The following PCDH7 variants were observed in gnomAD, a reference collection of about 807,000 sequenced individuals.
PCDH7 encodes protocadherin-7.
A neutral mutation model predicts 58.9 loss-of-function variants in PCDH7; 17 were observed. The observed-to-expected ratio is 0.29, with a 90% CI of 0.20 to 0.43. PCDH7 has a LOEUF of 0.43. PCDH7 is among the 20% of genes least tolerant of loss of function. The pLI is 1.00. For missense variants in PCDH7, 1,274 were observed against 1,441.0 expected, an observed-to-expected ratio of 0.88 and a Z score of 1.88; for synonymous variants, 664 against 616.4, an observed-to-expected ratio of 1.08 and a Z score of -1.14.
chr4:30,882,668 C>T (rs1737138094), intron 1 of PCDH7, among the ~76,000 whole-genome samples: 1 of 152,226 alleles, frequency 6.6e-6, no homozygotes, highest in Admixed American at 6.5e-5. Context: ...ATGTGTTAGT[C>T]ATGTGGGGAA....
At chr4:30,892,960 C>G (rs1738816787) in intron 1 of PCDH7, among the ~76,000 whole-genome samples, 1 of 152,178 alleles carries the variant, frequency 6.6e-6, no homozygotes, top group Non-Finnish European at 1.5e-5. Context: ...GTTAAATAGG[C>G]CACATTTCTT....
At chr4:30,920,159 C>G (rs1464378167) in exon 2 of PCDH7, 1 of 1,367,198 alleles carries the variant, frequency 7.3e-7, no homozygotes, top group Non-Finnish European at 9.8e-7. Flanking sequence ...GCAGCCATTT[C>G]GTAGAGTGAC....
At chr4:31,038,058 G>A (rs1755558539) in intron 3 of PCDH7, among the ~76,000 whole-genome samples, 1 of 152,248 alleles carries the variant, frequency 6.6e-6, no homozygotes, top group Non-Finnish European at 1.5e-5. Flanking sequence ...ACTCTGGAGA[G>A]CAATCCTGAC....
At chr4:30,732,925 A>G (rs1411733279) in exon 2 of PCDH7, 1 of 152,184 alleles carries the variant, frequency 6.6e-6, no homozygotes, top group East Asian at 1.9e-4. Flanking sequence ...TGAGAAGTCT[A>G]TTACCATTCC....
chr4:30,792,466 G>A (rs538822100), intron 1 of PCDH7, among the ~76,000 whole-genome samples: 1 of 152,072 alleles, frequency 6.6e-6, no homozygotes, highest in Admixed American at 6.5e-5. Flanking sequence ...TTATGGAAGG[G>A]CTGGCTACTC....
intron 1 of PCDH7, among the ~76,000 whole-genome samples, chr4:30,866,927 C>A (rs1734957194): frequency 6.6e-6 from 1 of 151,976 alleles, no homozygotes; most frequent in Non-Finnish European, 1.5e-5. Context: ...TTTTGGTTTC[C>A]CCCCAGAACA....
intron 3 of PCDH7, among the ~76,000 whole-genome samples, chr4:31,108,429 G>GAAAAA (rs1480649827): frequency 1.8e-5 from 2 of 108,674 alleles, no homozygotes; most frequent in Non-Finnish European, 4.2e-5. Flanking sequence ...AATTATACAG[G>GAAAAA]AAAAAGAGAC....
chr4:30,833,681 A>G (rs1730099624), intron 1 of PCDH7, among the ~76,000 whole-genome samples: 1 of 152,174 alleles, frequency 6.6e-6, no homozygotes, highest in African/African-American at 2.4e-5. Context: ...AGGATTGTAT[A>G]TCAGGGAGAA....
At chr4:30,765,042 T>TTCTTGCA (rs1364452195) in intron 1 of PCDH7, among the ~76,000 whole-genome samples, 1 of 151,302 alleles carries the variant, frequency 6.6e-6, no homozygotes, top group Non-Finnish European at 1.5e-5. Context: ...TTTATCTGTA[T>TTCTTGCA]TCTTGCACAT....
At chr4:30,757,443 C>T (rs1311439688) in intron 1 of PCDH7, among the ~76,000 whole-genome samples, 1 of 152,198 alleles carries the variant, frequency 6.6e-6, no homozygotes, top group Non-Finnish European at 1.5e-5. Context: ...TGACTTTCCT[C>T]GCAGGCACTC....
intron 2 of PCDH7, among the ~76,000 whole-genome samples, chr4:30,938,217 G>T (rs541799102): frequency 6.6e-6 from 1 of 152,002 alleles, no homozygotes; most frequent in East Asian, 1.9e-4. Flanking sequence ...CTTTCTAAAC[G>T]AAGTTTACTG....
intron 1 of PCDH7, among the ~76,000 whole-genome samples, chr4:30,811,710 A>C (rs1052230702): frequency 6.6e-6 from 1 of 152,228 alleles, no homozygotes; most frequent in Admixed American, 6.5e-5. Context: ...TCTTTATGCC[A>C]ATATAGTCAT....
At chr4:30,834,532 G>A (rs1730225172) in intron 1 of PCDH7, among the ~76,000 whole-genome samples, 2 of 152,084 alleles carry the variant, frequency 1.3e-5, no homozygotes, top group Admixed American at 6.5e-5. Flanking sequence ...CTTCTTAAAT[G>A]TGTCTGTTCC....
At chr4:31,070,372 T>TG (rs1269221835) in intron 3 of PCDH7, among the ~76,000 whole-genome samples, 1 of 152,066 alleles carries the variant, frequency 6.6e-6, no homozygotes, top group Non-Finnish European at 1.5e-5. Flanking sequence ...GGCTGGGTAA[T>TG]GTTTTTAGCA....
intron 1 of PCDH7, chr4:30,725,447 A>T (rs1483482931): frequency 8.6e-6 from 2 of 232,174 alleles, no homozygotes; most frequent in African/African-American, 4.7e-5. Flanking sequence ...TATTTGACAT[A>T]ATAGTTTCTC....
chr4:31,038,904 TAA>T (rs1197848963), intron 3 of PCDH7, among the ~76,000 whole-genome samples: 1 of 152,180 alleles, frequency 6.6e-6, no homozygotes, highest in African/African-American at 2.4e-5. Flanking sequence ...AAACCTGAGA[TAA>T]GTTACTTTAA....
chr4:31,119,916 C>T (rs1277925200), intron 3 of PCDH7, among the ~76,000 whole-genome samples: 1 of 151,604 alleles, frequency 6.6e-6, no homozygotes, highest in Non-Finnish European at 1.5e-5. Flanking sequence ...GTCCACAGAT[C>T]TTATCAGAAA....
chr4:31,107,866 G>A, intron 3 of PCDH7, among the ~76,000 whole-genome samples: 2 of 151,998 alleles, frequency 1.3e-5, no homozygotes, highest in East Asian at 3.9e-4. Context: ...CCGGAATTTT[G>A]TGGATATTTA....
rs1713445468 is a variant in PCDH7, at chr4:30,721,214, G to GA, written c.-202dup. ...CAATAACTTTCGGAAGAAGCAGGAG[G>GA]AAAAAAAGAAGCATCTATCGCTGCC... On this transcript the variant is annotated 5_prime_UTR_variant, in exon 1 of 2. Transcript: ENST00000361762. This position sits in a 1 kb window ranked among gnomAD's most constrained non-coding sequence, Gnocchi z 6.7. The GA allele has an allele frequency of 9.2e-6, 5 of 542,200 alleles. No individual in the cohort carries two copies. The highest frequency in any genetic ancestry group is 6.2e-5 in the East Asian group (2 of 32,018). 33.6% of individuals were successfully genotyped at this position (542,200 alleles called of 1,614,324 possible).
Sources: allele counts gnomAD v4.1 joint callset (sites outside exome capture counted in the v4.1 genomes callset), GRCh38; gene constraint gnomAD v4.1.1; non-coding constraint Gnocchi (gnomAD v3.1); transcripts MANE v1.5; gene names NCBI Gene and HGNC (gene_info 2026-07-23, HGNC 2026-07-21).